PARD3: variants seen among roughly 807,000 people sequenced by gnomAD.
PARD3 encodes the protein partitioning defective 3 homolog.
In PARD3, 75 loss-of-function variants were observed where a neutral mutation model predicts 155.4. The ratio of observed to expected loss-of-function variants is 0.48; its 90% CI spans 0.40 to 0.58. PARD3 has a LOEUF of 0.58. PARD3 is among the 20% of genes least tolerant of loss of function. The pLI is 0.00. For missense variants in PARD3, 1,642 were observed against 1,721.7 expected (o/e 0.95, Z 0.82); for synonymous variants, 576 against 610.5 (o/e 0.94, Z 0.83).
chr10:34,775,129 A>G (rs1839375765), intron 1 of PARD3, among the ~76,000 whole-genome samples: 1 of 152,264 alleles, frequency 6.6e-6, no homozygotes, highest in Non-Finnish European at 1.5e-5. Flanking sequence ...GAAGCAGCAT[A>G]GAACCCAATA....
intron 5 of PARD3, among the ~76,000 whole-genome samples, chr10:34,410,563 A>G (rs1051443907): frequency 6.6e-6 from 1 of 152,230 alleles, no homozygotes; most frequent in Non-Finnish European, 1.5e-5. Flanking sequence ...TTCAAATGGC[A>G]TGATCATTTT....
chr10:34,418,145 C>T (rs903183907), intron 5 of PARD3, among the ~76,000 whole-genome samples: 4 of 151,952 alleles, frequency 2.6e-5, no homozygotes, highest in Admixed American at 2.0e-4. Flanking sequence ...CAGTAAAGTG[C>T]CATGGATGAT....
intron 2 of PARD3, among the ~76,000 whole-genome samples, chr10:34,672,854 T>C (rs751572698): frequency 5.3e-4 from 80 of 152,314 alleles, no homozygotes; most frequent in South Asian, 1.5e-3. Context: ...TAGTATGAAG[T>C]GGCAAAAATT....
chr10:34,427,263 C>T (rs182111711), intron 5 of PARD3, among the ~76,000 whole-genome samples: 9 of 152,162 alleles, frequency 5.9e-5, no homozygotes, highest in African/African-American at 1.4e-4. Context: ...AGAAATATTG[C>T]GGAATTCTTT....
intron 2 of PARD3, among the ~76,000 whole-genome samples, chr10:34,598,932 T>G (rs1287885058): frequency 1.3e-5 from 2 of 152,040 alleles, no homozygotes; most frequent in Non-Finnish European, 2.9e-5. Context: ...CTGCCCTTGA[T>G]GGTCCAGAAC....
intron 1 of PARD3, among the ~76,000 whole-genome samples, chr10:34,735,307 T>C (rs2094894120): frequency 6.6e-6 from 1 of 152,220 alleles, no homozygotes; most frequent in Non-Finnish European, 1.5e-5. Context: ...ATAGCACTAG[T>C]TATTTACAGC....
rs112992252 is a variant in PARD3 at position 34,115,990 on chromosome 10, C to T, written c.3668+3623G>A. On this transcript the variant is annotated intron_variant, in intron 24 of 24. Transcript: ENST00000374788. The stretch of plus-strand genomic sequence containing the variant: ...GCATCCCAAATGCTGGGATTACAGG[C>T]GTAAGCCACCACGCCCAGCCTATAA... Among the ~76,000 whole-genome samples, 246 of 152,066 alleles carry T rather than the reference C, an allele frequency of 1.6e-3. 1 individual carries two copies. Among genetic ancestry groups the T allele is most frequent in the African/African-American group, 5.6e-3 (233 of 41,496 alleles).
chr10:34,233,397 G>C (rs1271397059), intron 22 of PARD3, among the ~76,000 whole-genome samples: 2 of 151,924 alleles, frequency 1.3e-5, no homozygotes, highest in Non-Finnish European at 2.9e-5. Context: ...CTCAGAACTA[G>C]CCCTTCTCTC....
chr10:34,248,032 A>G (rs966361162), intron 22 of PARD3, among the ~76,000 whole-genome samples: 16 of 152,306 alleles, frequency 1.1e-4, no homozygotes, highest in African/African-American at 3.4e-4. Context: ...TTTCTAGATC[A>G]TTTCACATAC....
At chr10:34,704,386 A>T (rs2094331710) in intron 1 of PARD3, among the ~76,000 whole-genome samples, 1 of 152,236 alleles carries the variant, frequency 6.6e-6, no homozygotes, top group Non-Finnish European at 1.5e-5. Flanking sequence ...ATATTTAATC[A>T]AATTTGTAAC....
chr10:34,446,924 A>G (rs2076767768), intron 5 of PARD3, among the ~76,000 whole-genome samples: 1 of 152,234 alleles, frequency 6.6e-6, no homozygotes, highest in Admixed American at 6.5e-5. Flanking sequence ...ATTAATCTAA[A>G]TTGAAAAACA....
At chr10:34,518,521 A>G (rs2081931146) in intron 2 of PARD3, among the ~76,000 whole-genome samples, 1 of 152,238 alleles carries the variant, frequency 6.6e-6, no homozygotes, top group South Asian at 2.1e-4. Context: ...GTCAACCTGA[A>G]GGGGCTCCCA....
chr10:34,811,276 T>C (rs1158423638), intron 1 of PARD3, among the ~76,000 whole-genome samples: 1 of 152,186 alleles, frequency 6.6e-6, no homozygotes, highest in Admixed American at 6.6e-5. Flanking sequence ...CATTCTGTCC[T>C]CCTCAGTTTG....
chr10:34,541,982 T>C (rs1210184118), intron 2 of PARD3, among the ~76,000 whole-genome samples: 4 of 151,974 alleles, frequency 2.6e-5, no homozygotes, highest in African/African-American at 9.7e-5. Flanking sequence ...GCTCAAGCAG[T>C]CCTCCAGCCT....
rs537726554 is a variant in PARD3 at position 34,536,616 on chromosome 10, C to T, written c.223-19457G>A. Among the ~76,000 whole-genome samples, 97 of 152,304 alleles carry T rather than the reference C, an allele frequency of 6.4e-4. No individual in the cohort carries two copies. The South Asian group carries it at 0.015, about 23-fold the overall frequency. The stretch of plus-strand genomic sequence containing the variant: ...AATCATTATTTCCCAAAAACCATCA[C>T]GTTTTCTTGTAGAAGGTCCTGAAAA... On this transcript the variant is annotated intron_variant, in intron 2 of 24. Transcript: ENST00000374788.
At position 34,225,349 on chromosome 10, in the gene PARD3, CT is replaced by C. The variant is rs572767003; in HGVS notation, c.3419+44307del. ...GGCAGACTGGACTAGTTTTTTTTCT[CT>C]TTTTTTTTTTTTAGGACAGAGTTTC... On this transcript the variant is annotated intron_variant, in intron 22 of 24. Transcript: ENST00000374788. Among the ~76,000 whole-genome samples, 1,047 of 141,542 alleles carry C rather than the reference CT, an allele frequency of 7.4e-3. 6 individuals carry two copies. Among genetic ancestry groups the C allele is most frequent in the African/African-American group, 0.02 (758 of 37,584 alleles). 92.9% of individuals were successfully genotyped at this position (141,542 alleles called of 152,430 possible). A position where few individuals can be genotyped will look rare whatever the true frequency, so the allele number is the denominator to read the frequency against.
At chr10:34,665,840 A>ACAAC (rs1554804220) in intron 2 of PARD3, among the ~76,000 whole-genome samples, 13 of 136,672 alleles carry the variant, frequency 9.5e-5, no homozygotes, top group African/African-American at 3.8e-4. Flanking sequence ...GTCTCAATTA[A>ACAAC]AGAACAGAAC....
chr10:34,626,655 TA>T (rs2091993076), intron 2 of PARD3, among the ~76,000 whole-genome samples: 1 of 152,212 alleles, frequency 6.6e-6, no homozygotes, highest in Admixed American at 6.5e-5. Flanking sequence ...TTGAGAGCCC[TA>T]ACTCATATTT....
At chr10:34,520,972 A>G (rs193203222) in intron 2 of PARD3, among the ~76,000 whole-genome samples, 75 of 152,334 alleles carry the variant, frequency 4.9e-4, no homozygotes, top group African/African-American at 1.8e-3. Flanking sequence ...TTTTGAAGAT[A>G]TTAAGTTTTG....
Sources: gnomAD v4.1 joint callset for allele counts (sites outside exome capture counted in the v4.1 genomes callset) on GRCh38, gnomAD v4.1.1 for gene constraint, MANE v1.5 for transcripts, NCBI Gene and HGNC (gene_info 2026-07-23, HGNC 2026-07-21) for gene names.